The following HDC variants were observed in gnomAD, a reference collection of about 807,000 sequenced individuals.
The protein encoded by HDC is histidine decarboxylase.
A neutral mutation model predicts 64.4 loss-of-function variants in HDC; 27 were observed. The observed-to-expected ratio is 0.42, with a 90% CI of 0.31 to 0.58. HDC has a LOEUF of 0.58. HDC is among the 20% of genes least tolerant of loss of function. The pLI, the probability that HDC is intolerant of heterozygous loss-of-function variation, is 0.16. For missense variants in HDC, 711 were observed against 833.9 expected (o/e 0.85, Z 1.81); for synonymous variants, 305 against 314.2 (o/e 0.97, Z 0.31).
intron 2 of HDC, among the ~76,000 whole-genome samples, chr15:50,262,557 G>T (rs2045717660): frequency 6.6e-6 from 1 of 152,202 alleles, no homozygotes; most frequent in Admixed American, 6.5e-5. Flanking sequence ...CCATGCATCA[G>T]CCAGCTTCCA....
chr15:50,262,494 C>T (rs918752687), intron 2 of HDC, among the ~76,000 whole-genome samples: 1 of 152,212 alleles, frequency 6.6e-6, no homozygotes, highest in South Asian at 2.1e-4. Context: ...GAGCTCCTCA[C>T]CGCCAGTGGT....
Position 50,242,593 on chromosome 15 carries a change from G to A in HDC, c.1656C>T (p.Cys552=). ...TGGCATCTGGGGCCTCTTCTGAAAA[G>A]CAGTCATCAACTGGGTCCAGCAGGG... ...LETLLDPVDD[C]FSEEAPDATK... is the part of the protein sequence containing the mutation. Residue 552 remains cysteine (C), a synonymous_variant, in exon 12 of 12, where the codon TGC becomes TGT. Transcript: ENST00000267845. 6.2e-7 allele frequency: 1 copy of A among 1,614,184 alleles called. No individual in the cohort carries two copies. The highest frequency in any genetic ancestry group is 1.3e-5 in the African/African-American group (1 of 75,026).
chr15:50,255,212 A>AG (rs1318779677), intron 4 of HDC, among the ~76,000 whole-genome samples: 1 of 152,154 alleles, frequency 6.6e-6, no homozygotes, highest in Non-Finnish European at 1.5e-5. Flanking sequence ...CCAGGATGGG[A>AG]GTATAGATTA....
chr15:50,256,672 C>T (rs139544671), intron 4 of HDC, among the ~76,000 whole-genome samples: 2 of 152,276 alleles, frequency 1.3e-5, no homozygotes, highest in Non-Finnish European at 2.9e-5. Flanking sequence ...AGGGGTGAGT[C>T]ACCATGTCCA....
intron 4 of HDC, among the ~76,000 whole-genome samples, chr15:50,257,202 T>C (rs2045643792): frequency 6.6e-6 from 1 of 152,350 alleles, no homozygotes; most frequent in African/African-American, 2.4e-5. Flanking sequence ...TGATCATGTG[T>C]TGGCTCTTTA....
Position 50,252,810 on chromosome 15 carries a change from T to C in HDC, c.788-36A>G, listed in dbSNP as rs759359180. The C allele has an allele frequency of 1.9e-6, 3 of 1,587,362 alleles. No individual in the cohort carries two copies. The Admixed American group carries it at 5.4e-5, about 29-fold the overall frequency. On this transcript the variant is annotated intron_variant, in intron 7 of 11. Transcript: ENST00000267845. ...AAACATCACCTGGCCGGAGGGGAGGTATGAAGTGGGGAAAGATGTCTCGCA... is the reference window on the plus strand; with the variant it reads ...AAACATCACCTGGCCGGAGGGGAGGCATGAAGTGGGGAAAGATGTCTCGCA...
chr15:50,257,311 T>G, intron 4 of HDC, 114 bp downstream of exon 4: 1 of 1,279,514 alleles, frequency 7.8e-7, no homozygotes, highest in Non-Finnish European at 1.1e-6. Context: ...GTGATGACGG[T>G]GTGGGTAATG....
At chr15:50,261,803 G>A (rs28575044) in intron 2 of HDC, among the ~76,000 whole-genome samples, 28,424 of 151,002 alleles carry the variant, frequency 0.19, 2,779 homozygotes, top group South Asian at 0.24. Flanking sequence ...TCCGCCTCCC[G>A]GGTTCAAGCG....
chr15:50,258,278 G>A, intron 3 of HDC, 126 bp downstream of exon 3: 2 of 705,178 alleles, frequency 2.8e-6, no homozygotes, highest in Non-Finnish European at 5.3e-6. Flanking sequence ...TAAGCTTAAA[G>A]AATATAGCCC....
rs1237634165 is a variant in HDC, at chr15:50,243,160, C to A, written c.1225G>T (p.Val409Leu). The change falls in exon 11 of 12, where the codon GTG becomes TTG. Residue 409 changes from valine to leucine, a missense_variant. By Grantham distance (32) the Val-to-Leu change is conservative (BLOSUM62 1). This residue lies in a region of HDC where 483 missense variants were observed against 540.9 expected (regional missense o/e 0.89). Coordinates refer to ENST00000267845, the MANE Select transcript of HDC (RefSeq NM_002112.4). ...EIPAKRHLGL[V>L]VFRLKGPNCL... is the part of the protein sequence containing the mutation. Reference sequence around the variant, plus strand: ...GGTATTACCTTTAGACGAAAAACCACCAGGCCAAGGTGCCTCTTGGCAGGA... The same window carrying A: ...GGTATTACCTTTAGACGAAAAACCAACAGGCCAAGGTGCCTCTTGGCAGGA... The A allele has an allele frequency of 6.2e-7, 1 of 1,613,530 alleles. No individual in the cohort carries two copies. Among genetic ancestry groups the A allele is most frequent in the Non-Finnish European group, 8.5e-7 (1 of 1,179,566 alleles).
At position 50,253,535 on chromosome 15, in the gene HDC, C is replaced by T. The variant is rs780712132; in HGVS notation, c.787+65G>A. On this transcript the variant is annotated intron_variant, in intron 7 of 11. Transcript: ENST00000267845. ...AATCCCATAGAGCTGGTTTCAGGTCCTTGCTTTAGGAGACATTTAAAAATG... is the reference window on the plus strand; with the variant it reads ...AATCCCATAGAGCTGGTTTCAGGTCTTTGCTTTAGGAGACATTTAAAAATG... 3 of 1,428,126 alleles carry T rather than the reference C, an allele frequency of 2.1e-6. No homozygotes were observed. In the African/African-American group the frequency reaches 4.2e-5, roughly 20 times the overall value. The allele number at this position is 1,428,126 out of a possible 1,614,324, so 88.5% of individuals were successfully genotyped here.
chr15:50,261,058 T>TGC (rs2045696900), intron 2 of HDC, among the ~76,000 whole-genome samples: 3 of 152,124 alleles, frequency 2.0e-5, no homozygotes, highest in Non-Finnish European at 4.4e-5. Flanking sequence ...GTTGAGAGAT[T>TGC]TGACCATCAT....
intron 2 of HDC, 51 bp from the exon 3 acceptor site, chr15:50,258,568 C>T (rs752369992): frequency 9.3e-7 from 1 of 1,076,602 alleles, no homozygotes; most frequent in Non-Finnish European, 1.4e-6. Context: ...TTCCAGCAGG[C>T]TTTCTTTCTC....
intron 6 of HDC, 142 bp from the exon 7 acceptor site, chr15:50,253,808 G>A: frequency 1.3e-6 from 1 of 745,676 alleles, no homozygotes. Context: ...TTTTACCATG[G>A]CTCGTAAGAA....
In HDC at chr15:50,242,855, T is replaced by C. The variant is rs1405409575; in HGVS notation, c.1394A>G (p.Asn465Ser). The C allele has an allele frequency of 1.2e-6, 2 of 1,613,848 alleles. No individual in the cohort carries two copies. The highest frequency in any genetic ancestry group is 2.2e-5 in the East Asian group (1 of 44,866). Residue 465 changes from asparagine to serine, a missense_variant, in exon 12 of 12, where the codon AAT becomes AGT. By Grantham distance (46) the Asn-to-Ser change is conservative. Around this residue, in one of 3 missense-constraint regions of HDC, gnomAD observed 483 missense variants for 540.9 expected, o/e 0.89. Coordinates refer to ENST00000267845, the MANE Select transcript of HDC (RefSeq NM_002112.4). Reference protein sequence around the residue: ...TTRDDILRDWNLIRDAATLIL... With the variant: ...TTRDDILRDWSLIRDAATLIL... Reference sequence around the variant, plus strand: ...GAGAGTGGCAGCATCTCGAATGAGATTCCAGTCTCTCAGGATGTCATCCCT... The same window carrying C: ...GAGAGTGGCAGCATCTCGAATGAGACTCCAGTCTCTCAGGATGTCATCCCT...
chr15:50,262,610 C>A (rs2045718521), intron 2 of HDC, among the ~76,000 whole-genome samples: 1 of 152,192 alleles, frequency 6.6e-6, no homozygotes, highest in Non-Finnish European at 1.5e-5. Context: ...GCTGCACCCT[C>A]CATCATGGAA....
chr15:50,264,521 ACT>A (rs2045743843), intron 1 of HDC, among the ~76,000 whole-genome samples: 1 of 152,116 alleles, frequency 6.6e-6, no homozygotes, highest in Non-Finnish European at 1.5e-5. Context: ...CAAGTTGAAC[ACT>A]CTGAAACTAT....
Position 50,262,027 on chromosome 15 carries a change from C to G in HDC, c.204+1208G>C, listed in dbSNP as rs1281504219. Reference sequence around the variant, plus strand: ...CCTGGCCTTTTTGTCACATTGAAGTCAAAAGTTCTTTGGGAATGATGAAGG... The same window carrying G: ...CCTGGCCTTTTTGTCACATTGAAGTGAAAAGTTCTTTGGGAATGATGAAGG... On this transcript the variant is annotated intron_variant, in intron 2 of 11. Transcript: ENST00000267845. 2.0e-5 allele frequency among the ~76,000 whole-genome samples: 3 copies of G among 151,942 alleles called. No individual in the cohort carries two copies. In the East Asian group the frequency reaches 5.8e-4, roughly 29 times the overall value.
chr15:50,253,234 T>G, intron 7 of HDC: 1 of 376,814 alleles, frequency 2.7e-6, no homozygotes, highest in Non-Finnish European at 5.0e-6. Flanking sequence ...CCCTTTTCCT[T>G]TTCTGAAGGT....
Sources: gnomAD v4.1 joint callset for allele counts (sites outside exome capture counted in the v4.1 genomes callset) on GRCh38, gnomAD v4.1.1 for gene constraint, gnomAD v4.1.1 regional missense constraint, MANE v1.5 for transcripts, NCBI Gene and HGNC (gene_info 2026-07-23, HGNC 2026-07-21) for gene names.